Variants in ERBB4 observed in about 807,000 individuals in gnomAD.
ERBB4 encodes the protein receptor tyrosine-protein kinase erbB-4.
In ERBB4, 42 loss-of-function variants were observed where a neutral mutation model predicts 158.0. The observed-to-expected ratio is 0.27, with a 90% CI of 0.21 to 0.34. The LOEUF is 0.34. Among genes scored for constraint, ERBB4 ranks in the 10% least tolerant of loss-of-function variants. The probability of loss-of-function intolerance (pLI) is 1.00; values close to 1 mark genes in which losing one functional copy is unlikely to be tolerated. For missense variants in ERBB4, 1,333 were observed against 1,624.1 expected (o/e 0.82, Z 3.08); for synonymous variants, 583 against 558.7 (o/e 1.04, Z -0.61).
chr2:211,529,349 C>T (rs988381427), intron 20 of ERBB4, among the ~76,000 whole-genome samples: 1 of 151,530 alleles, frequency 6.6e-6, no homozygotes. Context: ...GTAATGAGAT[C>T]GATCATAATA....
At chr2:211,948,856 C>A (rs1164432054) in intron 2 of ERBB4, among the ~76,000 whole-genome samples, 1 of 152,090 alleles carries the variant, frequency 6.6e-6, no homozygotes, top group Non-Finnish European at 1.5e-5. Context: ...ACATTTATCT[C>A]TATACTTTCC....
chr2:211,432,108 T>G (rs1045879715), intron 20 of ERBB4, among the ~76,000 whole-genome samples: 1 of 152,194 alleles, frequency 6.6e-6, no homozygotes, highest in Non-Finnish European at 1.5e-5. Flanking sequence ...TATTTGATGA[T>G]TTTTGTGGTA....
intron 1 of ERBB4, among the ~76,000 whole-genome samples, chr2:212,141,049 A>T (rs940775772): frequency 3.3e-5 from 5 of 151,896 alleles, no homozygotes; most frequent in African/African-American, 4.8e-5. Flanking sequence ...TAATGTCTAT[A>T]TATAACTATT....
rs148032922 is a variant in ERBB4 at position 212,491,947 on chromosome 2, A to G, written c.82+46502T>C. Among the ~76,000 whole-genome samples, 850 of 151,586 alleles carry G rather than the reference A, an allele frequency of 5.6e-3. 2 individuals carry two copies. Among genetic ancestry groups the G allele is most frequent in the African/African-American group, 0.02 (812 of 41,490 alleles). ...GAACAGACATTCTTTGTTGTACACA[A>G]TGTTCCATACAAAGACATTTATAAG... On this transcript the variant is annotated intron_variant, in intron 1 of 27. Coordinates refer to ENST00000342788, the MANE Select transcript of ERBB4 (RefSeq NM_005235.3).
At chr2:211,542,460 CTA>C (rs1326582564) in intron 20 of ERBB4, among the ~76,000 whole-genome samples, 1 of 152,014 alleles carries the variant, frequency 6.6e-6, no homozygotes, top group African/African-American at 2.4e-5. Context: ...TCCAAAGTAA[CTA>C]TGATTCACGT....
At chr2:211,784,476 T>C (rs923125173) in intron 4 of ERBB4, among the ~76,000 whole-genome samples, 1 of 152,234 alleles carries the variant, frequency 6.6e-6, no homozygotes, top group African/African-American at 2.4e-5. Flanking sequence ...TGTATGTATA[T>C]ACTGCATTTT....
Position 211,378,391 on chromosome 2 carries a change from C to T in ERBB4, c.*5224G>A, listed in dbSNP as rs2062516214. The T allele has an allele frequency of 4.3e-6, 1 of 232,582 alleles. No homozygotes were observed. The highest frequency in any genetic ancestry group is 1.8e-4 in the South Asian group (1 of 5,528). The allele number at this position is 232,582 out of a possible 1,614,324, so 14.4% of individuals were successfully genotyped here. A position where few individuals can be genotyped will look rare whatever the true frequency, so the allele number is the denominator to read the frequency against. ...GGGCCTGCAAAAGTGACAGATCCTA[C>T]ATTTTTGGACCTCTACAAAATCAGT... is the stretch of plus-strand genomic sequence containing the variant. On this transcript the variant is annotated 3_prime_UTR_variant, in exon 28 of 28. Transcript: ENST00000342788.
At chr2:212,045,016 A>C (rs747833589) in intron 2 of ERBB4, among the ~76,000 whole-genome samples, 1 of 152,194 alleles carries the variant, frequency 6.6e-6, no homozygotes, top group Non-Finnish European at 1.5e-5. Flanking sequence ...TAGCCATCAA[A>C]AGCTTAAAAA....
chr2:211,716,461 G>A (rs1231833461), intron 7 of ERBB4, among the ~76,000 whole-genome samples: 3 of 151,168 alleles, frequency 2.0e-5, no homozygotes, highest in African/African-American at 4.9e-5. Flanking sequence ...CGGATCACGA[G>A]GTCAGGAGAT....
intron 17 of ERBB4, among the ~76,000 whole-genome samples, chr2:211,629,776 G>A (rs1285615681): frequency 6.6e-6 from 1 of 151,780 alleles, no homozygotes; most frequent in Non-Finnish European, 1.5e-5. Context: ...TGACAAACCT[G>A]ACAAAAACAA....
chr2:211,763,149 T>C (rs1045931075), intron 4 of ERBB4, among the ~76,000 whole-genome samples: 7 of 152,140 alleles, frequency 4.6e-5, no homozygotes, highest in Non-Finnish European at 1.5e-5. Flanking sequence ...GTACAAAAGA[T>C]AGACTATGAA....
rs530218261 is a variant in ERBB4 at position 211,637,549 on chromosome 2, T to A, written c.1947-6955A>T. ...TCATATTTTCTTAGAAATCATTCCC[T>A]TTCATAGAGGTAAACCAAAGGCTTT... On this transcript the variant is annotated intron_variant, in intron 16 of 27. Coordinates refer to ENST00000342788, the MANE Select transcript of ERBB4 (RefSeq NM_005235.3). 2.0e-4 allele frequency among the ~76,000 whole-genome samples: 31 copies of A among 152,152 alleles called. No homozygotes were observed. In the East Asian group the frequency reaches 5.8e-3, roughly 28 times the overall value.
At chr2:212,499,100 A>G (rs1040976927) in intron 1 of ERBB4, among the ~76,000 whole-genome samples, 2 of 152,024 alleles carry the variant, frequency 1.3e-5, no homozygotes, top group Admixed American at 6.6e-5. Flanking sequence ...TATTCAGATT[A>G]TATTCATAAA....
At chr2:212,464,346 G>A (rs1688721617) in intron 1 of ERBB4, among the ~76,000 whole-genome samples, 1 of 152,056 alleles carries the variant, frequency 6.6e-6, no homozygotes, top group African/African-American at 2.4e-5. Flanking sequence ...TTATGGGTAA[G>A]TAAATATTTG....
At chr2:211,768,169 T>G (rs1332841710) in intron 4 of ERBB4, among the ~76,000 whole-genome samples, 1 of 152,162 alleles carries the variant, frequency 6.6e-6, no homozygotes, top group African/African-American at 2.4e-5. Flanking sequence ...TCTGTAATGA[T>G]CTCCTTTGGC....
chr2:212,436,412 A>G (rs1290717466), intron 1 of ERBB4, among the ~76,000 whole-genome samples: 2 of 152,092 alleles, frequency 1.3e-5, no homozygotes, highest in Non-Finnish European at 2.9e-5. Flanking sequence ...GAAAATATCT[A>G]CAATAATTAA....
chr2:211,834,466 T>A (rs2077293610), intron 3 of ERBB4, among the ~76,000 whole-genome samples: 1 of 148,026 alleles, frequency 6.8e-6, no homozygotes, highest in Admixed American at 6.9e-5. Flanking sequence ...TTTTGTTTTA[T>A]CAACAAGTGG....
chr2:212,269,953 T>G (rs373166754), intron 1 of ERBB4, among the ~76,000 whole-genome samples: 1 of 151,780 alleles, frequency 6.6e-6, no homozygotes. Flanking sequence ...CTCCGTAGTT[T>G]TTTTCTTTAC....
intron 1 of ERBB4, among the ~76,000 whole-genome samples, chr2:212,470,362 C>A (rs1574980186): frequency 6.6e-6 from 1 of 152,026 alleles, no homozygotes; most frequent in African/African-American, 2.4e-5. Flanking sequence ...TTTGAGGAAC[C>A]TATTTTCTGC....
Sources: allele counts gnomAD v4.1 joint callset (sites outside exome capture counted in the v4.1 genomes callset), GRCh38; gene constraint gnomAD v4.1.1; transcripts MANE v1.5; gene names NCBI Gene and HGNC (gene_info 2026-07-23, HGNC 2026-07-21).